Variants in WDSUB1 observed in about 807,000 individuals in gnomAD.
The protein encoded by WDSUB1 is WD repeat, sterile alpha motif and U-box domain containing 1.
WDSUB1 carries 49 observed loss-of-function variants against 53.9 expected under a neutral mutation model. That is an observed-to-expected ratio of 0.91 (90% CI 0.72 to 1.15). The LOEUF is 1.15. Ranked by LOEUF, WDSUB1 falls within the 50% of genes most tolerant of loss-of-function variation. The pLI, the probability that WDSUB1 is intolerant of heterozygous loss-of-function variation, is 0.00. For synonymous variants in WDSUB1, 194 were observed against 200.6 expected (o/e 0.97, Z 0.28); for missense variants, 514 against 562.0 (o/e 0.91, Z 0.86).
intron 9 of WDSUB1, among the ~76,000 whole-genome samples, chr2:159,253,583 C>T (rs1464516043): frequency 6.6e-6 from 1 of 150,982 alleles, no homozygotes; most frequent in African/African-American, 2.4e-5. Flanking sequence ...CTTTACTGTA[C>T]AATTAATCAA....
chr2:159,244,661 ACACG>A (rs2060746449), intron 10 of WDSUB1, among the ~76,000 whole-genome samples: 8 of 152,238 alleles, frequency 5.3e-5, no homozygotes, highest in African/African-American at 1.9e-4. Context: ...TCAGTGGCTC[ACACG>A]TCTTATCTCA....
chr2:159,260,646 A>T (rs531828703), intron 5 of WDSUB1, among the ~76,000 whole-genome samples: 4 of 152,364 alleles, frequency 2.6e-5, no homozygotes, highest in African/African-American at 9.6e-5. Context: ...TATAAAAATT[A>T]AAAGCAGACA....
At chr2:159,257,088 C>G (rs1273603823) in intron 8 of WDSUB1, among the ~76,000 whole-genome samples, 1 of 152,038 alleles carries the variant, frequency 6.6e-6, no homozygotes, top group Non-Finnish European at 1.5e-5. Context: ...AGCCTCATGA[C>G]CTCCTGGGCT....
chr2:159,286,269 A>T (rs1167437897), intron 1 of WDSUB1: 1 of 153,184 alleles, frequency 6.5e-6, no homozygotes. Context: ...TGCACGAAAG[A>T]CCAGGAATGT....
At chr2:159,248,615 G>A in intron 9 of WDSUB1, 103 bp from the exon 10 acceptor site, 1 of 1,297,102 alleles carries the variant, frequency 7.7e-7, no homozygotes, top group Non-Finnish European at 1.0e-6. Flanking sequence ...TGTTGGGGTT[G>A]ATTTTGAGAC....
Position 159,263,864 on chromosome 2 carries a change from G to A in WDSUB1, c.771-4021C>T, listed in dbSNP as rs568839089. Reference sequence around the variant, plus strand: ...ATTTTATGTACTATTTAATATATATGTATTGAGCAGTGATGTCCCAAACAT... The same window carrying A: ...ATTTTATGTACTATTTAATATATATATATTGAGCAGTGATGTCCCAAACAT... On this transcript the variant is annotated intron_variant, in intron 5 of 10. Coordinates refer to ENST00000359774, the MANE Select transcript of WDSUB1 (RefSeq NM_001128212.3). Among the ~76,000 whole-genome samples, 19 of 152,200 alleles carry A rather than the reference G, an allele frequency of 1.2e-4. 1 individual carries two copies. In the South Asian group the frequency reaches 3.9e-3, roughly 32 times the overall value.
intron 5 of WDSUB1, among the ~76,000 whole-genome samples, chr2:159,271,178 A>T (rs6752905): frequency 0.028 from 4,334 of 152,290 alleles, 195 homozygotes; most frequent in African/African-American, 0.094. Flanking sequence ...CACGTATTCT[A>T]TGACTCAGCA....
chr2:159,245,291 C>T (rs2060767900), intron 10 of WDSUB1, among the ~76,000 whole-genome samples: 1 of 152,006 alleles, frequency 6.6e-6, no homozygotes, highest in African/African-American at 2.4e-5. Context: ...CTTTGGAAAG[C>T]CAAAGGAGGA....
intron 8 of WDSUB1, among the ~76,000 whole-genome samples, chr2:159,257,387 CTTTT>C (rs11324351): frequency 7.2e-6 from 1 of 139,724 alleles, no homozygotes; most frequent in Non-Finnish European, 1.6e-5. Flanking sequence ...GATTTACTAA[CTTTT>C]TTTTTTTTTT....
chr2:159,236,930 T>C (rs2060498547), intron 10 of WDSUB1, among the ~76,000 whole-genome samples: 1 of 152,188 alleles, frequency 6.6e-6, no homozygotes, highest in African/African-American at 2.4e-5. Context: ...CACCAAGGTT[T>C]TTTTAAAACC....
intron 10 of WDSUB1, among the ~76,000 whole-genome samples, chr2:159,242,145 G>A (rs1233917852): frequency 6.8e-6 from 1 of 146,702 alleles, no homozygotes; most frequent in Non-Finnish European, 1.5e-5. Flanking sequence ...CTGCCTCCTG[G>A]GTTCATGCCA....
At chr2:159,263,169 C>T (rs1188730596) in intron 5 of WDSUB1, among the ~76,000 whole-genome samples, 1 of 152,164 alleles carries the variant, frequency 6.6e-6, no homozygotes, top group Non-Finnish European at 1.5e-5. Context: ...TCCGTGACAT[C>T]GCAGTGACCC....
intron 5 of WDSUB1, among the ~76,000 whole-genome samples, chr2:159,264,987 C>T (rs192056385): frequency 1.3e-5 from 2 of 151,038 alleles, no homozygotes; most frequent in East Asian, 1.9e-4. Context: ...GGGAGGCTGA[C>T]GCAGGAGAAG....
At chr2:159,261,651 GTA>G (rs2061190537) in intron 5 of WDSUB1, among the ~76,000 whole-genome samples, 1 of 151,768 alleles carries the variant, frequency 6.6e-6, no homozygotes, top group South Asian at 2.1e-4. Flanking sequence ...AGATGGCAGA[GTA>G]TAACTTCCCA....
chr2:159,277,276 T>G (rs910483272), intron 3 of WDSUB1, among the ~76,000 whole-genome samples: 1 of 152,238 alleles, frequency 6.6e-6, no homozygotes, highest in African/African-American at 2.4e-5. Context: ...CTAAGAGAGA[T>G]CTTGAGGGAT....
rs1427446654 is a variant in WDSUB1 at position 159,256,280 on chromosome 2, C to G, written c.1048G>C (p.Val350Leu). 2 of 1,612,236 alleles carry G rather than the reference C, an allele frequency of 1.2e-6. No homozygotes were observed. Among genetic ancestry groups the G allele is most frequent in the Non-Finnish European group, 8.5e-7 (1 of 1,179,492 alleles). ...WLCAQDLKDL[V>L]GIFKMNNIDG... is the part of the protein sequence containing the mutation. The stretch of plus-strand genomic sequence containing the variant: ...ATGTTATTCATCTTGAAAATACCAA[C>G]AAGATCTTTTAAATCTTGTGCACAA... Residue 350 changes from valine to leucine, a missense_variant, in exon 9 of 11, where the codon GTT becomes CTT. By Grantham distance (32) the Val-to-Leu change is conservative. Coordinates refer to ENST00000359774, the MANE Select transcript of WDSUB1 (RefSeq NM_001128212.3).
chr2:159,256,489 G>A (rs768153477), intron 8 of WDSUB1, 114 bp from the exon 9 acceptor site: 8 of 1,089,032 alleles, frequency 7.3e-6, no homozygotes, highest in South Asian at 1.5e-5. Flanking sequence ...TTATAGCTAG[G>A]TACAGTGGCT....
intron 9 of WDSUB1, among the ~76,000 whole-genome samples, chr2:159,249,875 G>A (rs2060906795): frequency 1.3e-5 from 2 of 150,030 alleles, no homozygotes; most frequent in Admixed American, 1.3e-4. Flanking sequence ...AGACCAGCCT[G>A]GCCAACATGG....
At chr2:159,242,179 C>T (rs2060670324) in intron 10 of WDSUB1, among the ~76,000 whole-genome samples, 1 of 146,938 alleles carries the variant, frequency 6.8e-6, no homozygotes, top group Non-Finnish European at 1.5e-5. Context: ...GCCTCCCAAG[C>T]AGCTGGGACT....
Sources: gnomAD v4.1 joint callset for allele counts (sites outside exome capture counted in the v4.1 genomes callset) on GRCh38, gnomAD v4.1.1 for gene constraint, MANE v1.5 for transcripts, NCBI Gene and HGNC (gene_info 2026-07-23, HGNC 2026-07-21) for gene names.